PLEKHG4B: variants seen among roughly 807,000 people sequenced by gnomAD.
PLEKHG4B encodes the protein pleckstrin homology and RhoGEF domain containing G4B, also known as pleckstrin homology domain-containing family G member 4B.
In PLEKHG4B, 111 loss-of-function variants were observed where a neutral mutation model predicts 121.3. The ratio of observed to expected loss-of-function variants is 0.92; its 90% CI spans 0.78 to 1.07. PLEKHG4B has a LOEUF of 1.07. PLEKHG4B is among the 50% of genes least tolerant of loss of function. The probability of loss-of-function intolerance (pLI) is 0.00; values close to 1 mark genes in which losing one functional copy is unlikely to be tolerated. For missense variants in PLEKHG4B, 1,831 were observed against 1,757.8 expected (o/e 1.04, Z -0.74); for synonymous variants, 738 against 725.0 (o/e 1.02, Z -0.29).
At chr5:133,941 C>CACACACACACACACACACATAT (rs34900477) in intron 2 of PLEKHG4B, among the ~76,000 whole-genome samples, 3 of 146,288 alleles carry the variant, frequency 2.1e-5, no homozygotes, top group South Asian at 2.1e-4. Context: ...CACACACACA[C>CACACACACACACACACACATAT]ATATATATAT....
intron 2 of PLEKHG4B, among the ~76,000 whole-genome samples, chr5:127,261 T>C (rs146772319): frequency 1.8e-3 from 275 of 151,912 alleles, no homozygotes; most frequent in African/African-American, 6.4e-3. Flanking sequence ...AAGGAAACGT[T>C]ACTACAGACT....
chr5:103,038 C>T (rs968309445), intron 1 of PLEKHG4B, among the ~76,000 whole-genome samples: 4 of 152,150 alleles, frequency 2.6e-5, no homozygotes, highest in Non-Finnish European at 5.9e-5. Context: ...GCAGAGTTAC[C>T]GCTCTGTTCC....
rs35724214 is a variant in PLEKHG4B, at chr5:98,603, TTGTGTGTGTGTGTGTGTGTGTG to T, written c.45+6349_45+6370del. Among the ~76,000 whole-genome samples the T allele has an allele frequency of 2.2e-3, 250 of 111,590 alleles. 1 individual carries two copies. Among genetic ancestry groups the T allele is most frequent in the Middle Eastern group, 0.02 (4 of 204 alleles). The allele number at this position is 111,590 out of a possible 152,430, so 73.2% of individuals were successfully genotyped here. A position where few individuals can be genotyped will look rare whatever the true frequency, so the allele number is the denominator to read the frequency against. ...GCATGTGCCACCATGCCTGGCTAATTTGTGTGTGTGTGTGTGTGTGTGTGTGTGTGTGTGTGTGTGTGTTAGT... is the reference window on the plus strand; with the variant it reads ...GCATGTGCCACCATGCCTGGCTAATTTGTGTGTGTGTGTGTGTGTGTTAGT... On this transcript the variant is annotated intron_variant, in intron 1 of 19. Coordinates refer to ENST00000637938, the MANE Select transcript of PLEKHG4B (RefSeq NM_052909.5).
chr5:132,006 G>C (rs1734794371), intron 2 of PLEKHG4B, among the ~76,000 whole-genome samples: 10 of 151,688 alleles, frequency 6.6e-5, no homozygotes. Flanking sequence ...AGGAATAAAA[G>C]GAAACTATCT....
At chr5:154,850 A>G (rs1431644890) in intron 7 of PLEKHG4B, 25 bp from the exon 8 acceptor site, 5 of 1,579,298 alleles carry the variant, frequency 3.2e-6, no homozygotes, top group Non-Finnish European at 4.4e-6. Flanking sequence ...TGGAGCCATG[A>G]CCAACGAGTG....
rs1733692617 is a variant in PLEKHG4B, at chr5:188,550, G to C, written c.*6227G>C. The C allele has an allele frequency of 6.6e-6, 1 of 151,854 alleles. No individual in the cohort carries two copies. Among genetic ancestry groups the C allele is most frequent in the African/African-American group, 2.4e-5 (1 of 41,458 alleles). The allele number at this position is 151,854 out of a possible 1,614,324, so 9.4% of individuals were successfully genotyped here. ...AGAGAATGTTTTCCACACCGCGTGTGAAATGACGAGAGCTTTTGTGTCACA... is the reference window on the plus strand; with the variant it reads ...AGAGAATGTTTTCCACACCGCGTGTCAAATGACGAGAGCTTTTGTGTCACA... On this transcript the variant is annotated 3_prime_UTR_variant, in exon 20 of 20. Coordinates refer to ENST00000637938, the MANE Select transcript of PLEKHG4B (RefSeq NM_052909.5).
chr5:154,846 C>T (rs1451576047), intron 7 of PLEKHG4B, 29 bp from the exon 8 acceptor site: 1 of 1,558,120 alleles, frequency 6.4e-7, no homozygotes, highest in African/African-American at 1.4e-5. Flanking sequence ...CATCTGGAGC[C>T]ATGACCAACG....
Position 154,987 on chromosome 5 carries a change from G to A in PLEKHG4B, c.2105G>A (p.Arg702His), listed in dbSNP as rs150400514. ...PYSHGDWICF[R>H]QRLEHFAANC... is the part of the protein sequence containing the mutation. ...AGCCATGGTGACTGGATCTGCTTCCGTCAGGTAGGTTCAGCCTGCAGCTGC... is the reference window on the plus strand; with the variant it reads ...AGCCATGGTGACTGGATCTGCTTCCATCAGGTAGGTTCAGCCTGCAGCTGC... The change falls in exon 8 of 20, where the codon CGT (arginine) becomes CAT (histidine). Residue 702 changes from arginine to histidine, a missense_variant. Arg to His is a conservative substitution (Grantham distance 29, BLOSUM62 0). Coordinates refer to ENST00000637938, the MANE Select transcript of PLEKHG4B (RefSeq NM_052909.5). The A allele has an allele frequency of 6.0e-4, 968 of 1,611,682 alleles. 1 individual carries two copies. The highest frequency in any genetic ancestry group is 4.9e-3 in the Middle Eastern group (30 of 6,062).
chr5:173,509 A>T (rs963021648), intron 17 of PLEKHG4B, among the ~76,000 whole-genome samples: 2 of 152,126 alleles, frequency 1.3e-5, no homozygotes, highest in African/African-American at 4.8e-5. Flanking sequence ...GCATGGGCTC[A>T]CACACAAGCA....
intron 18 of PLEKHG4B, among the ~76,000 whole-genome samples, chr5:176,893 C>T (rs1369409137): frequency 6.6e-6 from 1 of 152,220 alleles, no homozygotes. Flanking sequence ...GGGGCCTGGG[C>T]CACAGAGCTG....
At chr5:108,704 TGGTGTAGACAGACTGGGTGCAGATGGCTG>T (rs1734048714) in intron 1 of PLEKHG4B, among the ~76,000 whole-genome samples, 2 of 128,532 alleles carry the variant, frequency 1.6e-5, no homozygotes, top group African/African-American at 3.0e-5. Flanking sequence ...TGCAGATGGC[TGGTGTAGACAGACTGGGTGCAGATGGCTG>T]GGTGTAGACA....
intron 2 of PLEKHG4B, among the ~76,000 whole-genome samples, chr5:134,631 T>C (rs138584598): frequency 0.015 from 2,313 of 151,874 alleles, 68 homozygotes; most frequent in African/African-American, 0.053. Context: ...CCAGGTATGG[T>C]GGCGTGTGCC....
chr5:116,870 C>T (rs778118887), intron 2 of PLEKHG4B, among the ~76,000 whole-genome samples: 70 of 152,196 alleles, frequency 4.6e-4, no homozygotes, highest in Non-Finnish European at 8.7e-4. Flanking sequence ...GTTCAGAAGA[C>T]GTTTTCCTTT....
intron 2 of PLEKHG4B, among the ~76,000 whole-genome samples, chr5:121,316 G>A (rs1026073161): frequency 2.0e-5 from 3 of 152,030 alleles, no homozygotes; most frequent in African/African-American, 7.2e-5. Context: ...AAAATGCTTA[G>A]TGAATGGGAT....
rs1736113083 is a variant in PLEKHG4B at position 163,361 on chromosome 5, G to A, written c.3289G>A (p.Asp1097Asn). ...ACCTCAGCCCGACAGTGGCCCCAGGGACTCCTGCCAGCCAGACCATACTAG... is the reference window on the plus strand; with the variant it reads ...ACCTCAGCCCGACAGTGGCCCCAGGAACTCCTGCCAGCCAGACCATACTAG... ...EIPQPDSGPR[D>N]SCQPDHTSVF... The change falls in exon 13 of 20, where the codon GAC becomes AAC. Residue 1097 changes from aspartate (D) to asparagine (N), a missense_variant. Asp to Asn is a conservative substitution (Grantham distance 23, BLOSUM62 1). Coordinates refer to ENST00000637938, the MANE Select transcript of PLEKHG4B (RefSeq NM_052909.5). The A allele has an allele frequency of 6.2e-7, 1 of 1,613,314 alleles. No individual in the cohort carries two copies. The highest frequency in any genetic ancestry group is 8.5e-7 in the Non-Finnish European group (1 of 1,180,042).
At chr5:152,981 C>A (rs1051336008) in intron 7 of PLEKHG4B, among the ~76,000 whole-genome samples, 1 of 152,220 alleles carries the variant, frequency 6.6e-6, no homozygotes, top group Non-Finnish European at 1.5e-5. Context: ...CCCAGCCATG[C>A]AAAACTGTGA....
intron 8 of PLEKHG4B, 81 bp from the exon 9 acceptor site, chr5:155,264 A>G (rs1221609979): frequency 1.6e-6 from 2 of 1,269,192 alleles, no homozygotes; most frequent in African/African-American, 1.5e-5. Context: ...GTCTAAATGC[A>G]GAAACTGGAA....
At position 171,066 on chromosome 5, in the gene PLEKHG4B, G is replaced by T. The variant is rs1261007808; in HGVS notation, c.3753G>T (p.Val1251=). ...LRHEEQFGMY[V]IYSKNKPQSD... ...AGGAAGAGCAGTTTGGGATGTACGT[G>T]ATCTACAGCAAAAACAAGCCGCAGT... Residue 1251 remains valine, a synonymous_variant, in exon 15 of 20, where the codon GTG becomes GTT. Coordinates refer to ENST00000637938, the MANE Select transcript of PLEKHG4B (RefSeq NM_052909.5). 1 of 1,612,958 alleles carries T rather than the reference G, an allele frequency of 6.2e-7. No homozygotes were observed. Among genetic ancestry groups the T allele is most frequent in the South Asian group, 1.1e-5 (1 of 90,998 alleles).
At chr5:96,856 C>T (rs748772666) in intron 1 of PLEKHG4B, among the ~76,000 whole-genome samples, 1 of 151,838 alleles carries the variant, frequency 6.6e-6, no homozygotes, top group Non-Finnish European at 1.5e-5. Flanking sequence ...ACAGTTCCAA[C>T]AAATGAGAAA....
Sources: allele counts gnomAD v4.1 joint callset (sites outside exome capture counted in the v4.1 genomes callset), GRCh38; gene constraint gnomAD v4.1.1; transcripts MANE v1.5; gene names NCBI Gene and HGNC (gene_info 2026-07-23, HGNC 2026-07-21).